The following TBC1D9 variants were observed in gnomAD, a reference collection of about 807,000 sequenced individuals.
TBC1D9 encodes the protein TBC1 domain family member 9A.
In TBC1D9, 63 loss-of-function variants were observed where a neutral mutation model predicts 132.0. The observed-to-expected ratio is 0.48, with a 90% CI of 0.39 to 0.59. The LOEUF (loss-of-function observed/expected upper bound fraction) is 0.59, where lower values mean the gene tolerates loss of function less well. Ranked by LOEUF, TBC1D9 falls within the 20% of genes least tolerant of loss-of-function variation. TBC1D9 has a pLI of 0.00. For synonymous variants in TBC1D9, 610 were observed against 609.9 expected (o/e 1.00, Z 0.00); for missense variants, 1,261 against 1,592.7 (o/e 0.79, Z 3.54).
Position 140,639,094 on chromosome 4 carries a change from G to A in TBC1D9, c.2497C>T (p.Leu833Phe). 6.3e-7 allele frequency: 1 copy of A among 1,589,272 alleles called. No homozygotes were observed. The highest frequency in any genetic ancestry group is 8.6e-7 in the Non-Finnish European group (1 of 1,166,600). ...TTTACCTTGCAACTCACCTTGAAAA[G>A]AGCATAAAGTTCTTCCAGCTCATCA... The part of the protein sequence containing the change: ...TIDELEELYA[L>F]FKAEHLTSCY... Residue 833 changes from leucine (L) to phenylalanine (F), a missense_variant, in exon 15 of 21, where the codon CTT (leucine) becomes TTT (phenylalanine). This residue lies in a region of TBC1D9 where 618 missense variants were observed against 724.4 expected (regional missense o/e 0.85). Transcript: ENST00000442267.
chr4:140,712,784 G>C (rs1738271534), intron 1 of TBC1D9, among the ~76,000 whole-genome samples: 1 of 150,888 alleles, frequency 6.6e-6, no homozygotes, highest in Non-Finnish European at 1.5e-5. Flanking sequence ...TAGATAGATA[G>C]ATAAATGGGA....
At chr4:140,731,989 G>A (rs531360745) in intron 1 of TBC1D9, among the ~76,000 whole-genome samples, 5 of 152,220 alleles carry the variant, frequency 3.3e-5, no homozygotes, top group South Asian at 2.1e-4. Flanking sequence ...CCAGCCCTGC[G>A]TGGAAGCCTG....
chr4:140,736,288 C>A (rs1011511355), intron 1 of TBC1D9, among the ~76,000 whole-genome samples: 2 of 152,096 alleles, frequency 1.3e-5, no homozygotes, highest in Admixed American at 1.3e-4. Context: ...CATCTGTAAT[C>A]CCAGCACTTT....
At chr4:140,724,828 TAAA>T (rs1303768445) in intron 1 of TBC1D9, among the ~76,000 whole-genome samples, 3 of 152,030 alleles carry the variant, frequency 2.0e-5, no homozygotes, top group East Asian at 3.9e-4. Flanking sequence ...CAACAACACT[TAAA>T]AGAAAATGCA....
chr4:140,673,746 T>C (rs1020309829), intron 6 of TBC1D9, among the ~76,000 whole-genome samples: 1 of 152,164 alleles, frequency 6.6e-6, no homozygotes, highest in African/African-American at 2.4e-5. Flanking sequence ...CCCTGAAATA[T>C]AGTCATATTT....
chr4:140,754,477 G>T (rs1374896551), intron 1 of TBC1D9, among the ~76,000 whole-genome samples: 3 of 151,572 alleles, frequency 2.0e-5, no homozygotes, highest in Non-Finnish European at 4.4e-5. Context: ...TAGCCGGGCG[G>T]GTTGGTGCAT....
At chr4:140,729,818 C>CAAAAAAAAA (rs35283552) in intron 1 of TBC1D9, among the ~76,000 whole-genome samples, 3 of 51,916 alleles carry the variant, frequency 5.8e-5, no homozygotes, top group African/African-American at 2.4e-4. Flanking sequence ...GATTCCATCT[C>CAAAAAAAAA]AAAAAAAAAA....
intron 2 of TBC1D9, among the ~76,000 whole-genome samples, chr4:140,696,564 C>T (rs1475806326): frequency 4.0e-5 from 6 of 151,720 alleles, no homozygotes; most frequent in African/African-American, 7.3e-5. Context: ...TTCATATTGC[C>T]GAGGGCCAGG....
chr4:140,660,266 G>A (rs1488735878), intron 10 of TBC1D9, among the ~76,000 whole-genome samples: 1 of 152,178 alleles, frequency 6.6e-6, no homozygotes, highest in Non-Finnish European at 1.5e-5. Flanking sequence ...AGTAACTGTA[G>A]TTTATTAAAA....
At chr4:140,661,185 A>G (rs1216822247) in intron 10 of TBC1D9, among the ~76,000 whole-genome samples, 1 of 152,166 alleles carries the variant, frequency 6.6e-6, no homozygotes, top group African/African-American at 2.4e-5. Context: ...AAGTGTTGGG[A>G]TTACGGGCGT....
chr4:140,743,736 T>A (rs1006286560), intron 1 of TBC1D9, among the ~76,000 whole-genome samples: 1 of 152,192 alleles, frequency 6.6e-6, no homozygotes, highest in Non-Finnish European at 1.5e-5. Flanking sequence ...TCCTGTTCTG[T>A]ACATAACTAC....
chr4:140,714,762 TCA>T (rs2111052126), intron 1 of TBC1D9, among the ~76,000 whole-genome samples: 1 of 152,312 alleles, frequency 6.6e-6, no homozygotes, highest in African/African-American at 2.4e-5. Context: ...AATAATTTTT[TCA>T]GAGTCTGCTC....
At chr4:140,739,443 C>T (rs1738725403) in intron 1 of TBC1D9, among the ~76,000 whole-genome samples, 1 of 152,060 alleles carries the variant, frequency 6.6e-6, no homozygotes, top group South Asian at 2.1e-4. Flanking sequence ...AGTACAAATC[C>T]AAGCTCTGCC....
At chr4:140,742,492 A>G in intron 1 of TBC1D9, among the ~76,000 whole-genome samples, 1 of 138,718 alleles carries the variant, frequency 7.2e-6, no homozygotes, top group Non-Finnish European at 1.5e-5. Flanking sequence ...AGATTGCACC[A>G]CTGCATTCCA....
At position 140,687,366 on chromosome 4, in the gene TBC1D9, A is replaced by T. The variant is rs755333223; in HGVS notation, c.242-904T>A. Among the ~76,000 whole-genome samples, 9 of 89,024 alleles carry T rather than the reference A, an allele frequency of 1.0e-4. 1 individual carries two copies. Among genetic ancestry groups the T allele is most frequent in the African/African-American group, 3.0e-4 (6 of 20,072 alleles). The allele number at this position is 89,024 out of a possible 152,430, so 58.4% of individuals were successfully genotyped here. ...GTCATATATATATATATATATATATATATATATATATATATATATATATAT... is the reference window on the plus strand; with the variant it reads ...GTCATATATATATATATATATATATTTATATATATATATATATATATATAT... On this transcript the variant is annotated intron_variant, in intron 2 of 20. Coordinates refer to ENST00000442267, the MANE Select transcript of TBC1D9 (RefSeq NM_015130.3).
At chr4:140,738,124 A>G (rs1173580243) in intron 1 of TBC1D9, among the ~76,000 whole-genome samples, 9 of 152,242 alleles carry the variant, frequency 5.9e-5, no homozygotes, top group Admixed American at 3.9e-4. Context: ...ATTAATGAAA[A>G]TCAACATGGT....
chr4:140,705,125 T>A (rs1738130866), intron 1 of TBC1D9, among the ~76,000 whole-genome samples: 1 of 152,168 alleles, frequency 6.6e-6, no homozygotes, highest in Non-Finnish European at 1.5e-5. Flanking sequence ...AGTTGGCCAG[T>A]CAAATCAAGA....
chr4:140,755,446 T>C (rs1400543940), intron 1 of TBC1D9, among the ~76,000 whole-genome samples: 2 of 152,216 alleles, frequency 1.3e-5, no homozygotes, highest in Non-Finnish European at 2.9e-5. Context: ...ATATAGGAAA[T>C]GACCACATCA....
At chr4:140,643,580 G>T in intron 13 of TBC1D9, 1 of 882,204 alleles carries the variant, frequency 1.1e-6, no homozygotes, top group Non-Finnish European at 1.7e-6. Flanking sequence ...GCTCGCTCAG[G>T]GCCGCCTGGG....
Sources: gnomAD v4.1 joint callset for allele counts (sites outside exome capture counted in the v4.1 genomes callset) on GRCh38, gnomAD v4.1.1 for gene constraint, gnomAD v4.1.1 regional missense constraint, MANE v1.5 for transcripts, NCBI Gene and HGNC (gene_info 2026-07-23, HGNC 2026-07-21) for gene names.